B4GALT4: variants seen among roughly 807,000 people sequenced by gnomAD.
B4GALT4 encodes the protein N-acetyllactosamine synthase.
Under a neutral mutation model 37.3 loss-of-function variants are expected in B4GALT4, and 27 were observed. The observed-to-expected ratio is 0.72, with a 90% CI of 0.53 to 1.00. The LOEUF (loss-of-function observed/expected upper bound fraction) is 1.00. Among genes scored for constraint, B4GALT4 ranks in the 50% least tolerant of loss-of-function variants. B4GALT4 has a pLI of 0.00. For missense variants in B4GALT4, 372 were observed against 413.1 expected (o/e 0.90, Z 0.86); for synonymous variants, 148 against 154.1 (o/e 0.96, Z 0.29).
intron 5 of B4GALT4, among the ~76,000 whole-genome samples, chr3:119,221,344 C>G (rs147804572): frequency 2.0e-4 from 30 of 152,328 alleles, no homozygotes; most frequent in Admixed American, 1.5e-3. Flanking sequence ...ACTTTAACTT[C>G]TTCCCTCTGC....
At chr3:119,222,893 C>T (rs1319554020) in intron 5 of B4GALT4, among the ~76,000 whole-genome samples, 1 of 152,114 alleles carries the variant, frequency 6.6e-6, no homozygotes, top group East Asian at 1.9e-4. Context: ...TTACACACAG[C>T]CGGGGTTTAA....
Position 119,212,343 on chromosome 3 carries a change from T to C in B4GALT4, c.*206A>G, listed in dbSNP as rs757883695. On this transcript the variant is annotated 3_prime_UTR_variant, in exon 8 of 8. Coordinates refer to ENST00000393765, the MANE Select transcript of B4GALT4 (RefSeq NM_003778.4). ...ATATTACAATATTTAACCCTCATGA[T>C]CAAAATGACTAAGAAAGCTGTCTTG... 9 of 644,652 alleles carry C rather than the reference T, an allele frequency of 1.4e-5. No homozygotes were observed. Among genetic ancestry groups the C allele is most frequent in the Non-Finnish European group, 5.5e-6 (2 of 362,784 alleles). 39.9% of individuals were successfully genotyped at this position (644,652 alleles called of 1,614,324 possible). A position where few individuals can be genotyped will look rare whatever the true frequency, so the allele number is the denominator to read the frequency against.
At chr3:119,216,483 C>T (rs1329343167) in intron 6 of B4GALT4, 139 bp from the exon 7 acceptor site, 1 of 485,074 alleles carries the variant, frequency 2.1e-6, no homozygotes, top group African/African-American at 2.0e-5. Flanking sequence ...GTGTCACAAA[C>T]AGCTTGATTA....
Position 119,212,104 on chromosome 3 carries a change from G to A in B4GALT4, c.*445C>T, listed in dbSNP as rs2078176583. On this transcript the variant is annotated 3_prime_UTR_variant, in exon 8 of 8. Transcript: ENST00000393765. Reference sequence around the variant, plus strand: ...CACCACTTCACAGATGATTGTACAGGATAAATGAATAACAGTATTGTATCT... The same window carrying A: ...CACCACTTCACAGATGATTGTACAGAATAAATGAATAACAGTATTGTATCT... 13 of 702,626 alleles carry A rather than the reference G, an allele frequency of 1.9e-5. 1 individual carries two copies. Among genetic ancestry groups the A allele is most frequent in the Non-Finnish European group, 3.1e-5 (12 of 384,916 alleles). The allele number at this position is 702,626 out of a possible 1,614,324, so 43.5% of individuals were successfully genotyped here.
At chr3:119,234,271 C>A (rs2078917601) in intron 2 of B4GALT4, among the ~76,000 whole-genome samples, 1 of 152,206 alleles carries the variant, frequency 6.6e-6, no homozygotes, top group African/African-American at 2.4e-5. Flanking sequence ...GCATGCCCCA[C>A]CATACCCAGC....
chr3:119,240,789 G>T (rs1341515355), intron 1 of B4GALT4, 61 bp downstream of exon 1: 1 of 152,302 alleles, frequency 6.6e-6, no homozygotes, highest in African/African-American at 2.4e-5. Context: ...GGCTACCCTC[G>T]CACGGCGCCC....
At chr3:119,222,830 G>C (rs1243171212) in intron 5 of B4GALT4, among the ~76,000 whole-genome samples, 2 of 152,206 alleles carry the variant, frequency 1.3e-5, no homozygotes, top group Admixed American at 1.3e-4. Context: ...GTTTCTTAAA[G>C]ACACTGTGCT....
intron 1 of B4GALT4, among the ~76,000 whole-genome samples, chr3:119,237,916 A>G (rs2079030903): frequency 6.6e-6 from 1 of 152,234 alleles, no homozygotes; most frequent in South Asian, 2.1e-4. Flanking sequence ...AATGTTTACA[A>G]TAACTACACA....
At chr3:119,223,653 A>C (rs1394610533) in intron 5 of B4GALT4, among the ~76,000 whole-genome samples, 3 of 151,980 alleles carry the variant, frequency 2.0e-5, no homozygotes, top group South Asian at 2.1e-4. Flanking sequence ...ACAGTCTGGA[A>C]AGTGATGTCT....
In B4GALT4 at chr3:119,238,367, C is replaced by T. The variant is rs191076014; in HGVS notation, c.-363-1297G>A. Among the ~76,000 whole-genome samples the T allele has an allele frequency of 3.0e-3, 448 of 151,586 alleles. 3 individuals carry two copies. The highest frequency in any genetic ancestry group is 0.01 in the African/African-American group (427 of 41,354). ...CAAAATGATAGTCACTGGTGGTCAT[C>T]TCTTAATTACAGTATTAGGAGAAAA... On this transcript the variant is annotated intron_variant, in intron 1 of 7. Transcript: ENST00000393765.
chr3:119,222,157 G>A (rs1374476916), intron 5 of B4GALT4, among the ~76,000 whole-genome samples: 1 of 152,166 alleles, frequency 6.6e-6, no homozygotes, highest in Non-Finnish European at 1.5e-5. Flanking sequence ...CTGGGCAATG[G>A]GAAGTTTAAG....
At chr3:119,231,668 GTTTAT>G (rs2078821252) in intron 2 of B4GALT4, among the ~76,000 whole-genome samples, 1 of 147,914 alleles carries the variant, frequency 6.8e-6, no homozygotes. Flanking sequence ...CGCTGGGGTG[GTTTAT>G]TTTTTCTCTT....
Position 119,224,084 on chromosome 3 carries a change from C to T in B4GALT4, c.648G>A (p.Val216=). ...TGTACCCAGTGCTGTTCCTGCCAAC[C>T]ACCAGATGCTTGGGATGCTCCTCAC... ...YKCEEHPKHL[V]VGRNSTGYRL... is the part of the protein sequence containing the mutation. Residue 216 remains valine, a synonymous_variant, in exon 5 of 8, where the codon GTG becomes GTA. Transcript: ENST00000393765. 6.2e-7 allele frequency: 1 copy of T among 1,613,644 alleles called. No homozygotes were observed. The highest frequency in any genetic ancestry group is 1.1e-5 in the South Asian group (1 of 90,952).
rs1034047458 is a variant in B4GALT4 at position 119,211,770 on chromosome 3, T to C, written c.*779A>G. ...TTTTCACATTTTACTACAGAGGTAT[T>C]TGATAGACATATTTATTATTAGTTA... On this transcript the variant is annotated 3_prime_UTR_variant, in exon 8 of 8. Transcript: ENST00000393765. 1 of 185,572 alleles carries C rather than the reference T, an allele frequency of 5.4e-6. No individual in the cohort carries two copies. Among genetic ancestry groups the C allele is most frequent in the Admixed American group, 5.5e-5 (1 of 18,158 alleles). 11.5% of individuals were successfully genotyped at this position (185,572 alleles called of 1,614,324 possible).
chr3:119,216,101 T>C, intron 7 of B4GALT4, 139 bp downstream of exon 7: 1 of 561,974 alleles, frequency 1.8e-6, no homozygotes. Flanking sequence ...TTCTCTCCTT[T>C]TGTGTCTGTT....
At chr3:119,225,784 C>T (rs2078598044) in intron 4 of B4GALT4, among the ~76,000 whole-genome samples, 1 of 152,132 alleles carries the variant, frequency 6.6e-6, no homozygotes, top group African/African-American at 2.4e-5. Context: ...TGAGCAAGAA[C>T]TCAGAATCAA....
chr3:119,226,235 T>C (rs2107505496), intron 4 of B4GALT4, among the ~76,000 whole-genome samples: 2 of 152,344 alleles, frequency 1.3e-5, no homozygotes, highest in Middle Eastern at 6.8e-3. Context: ...AAGCAGCCGA[T>C]AGTTATGCTG....
At position 119,226,903 on chromosome 3, in the gene B4GALT4, C is replaced by T. The variant is rs755007969; in HGVS notation, c.392G>A (p.Arg131Gln). ...LQRVAILVPHRNREKHLMYLL... is the reference protein window; with the variant it reads ...LQRVAILVPHQNREKHLMYLL... ...GTACATCAGGTGTTTCTCTCTGTTC[C>T]GGTGGGGAACGAGGATGGCGACCCT... Residue 131 changes from arginine (R) to glutamine (Q), a missense_variant, in exon 4 of 8, where the codon CGG (arginine) becomes CAG (glutamine). By Grantham distance (43) the Arg-to-Gln change is conservative (BLOSUM62 1). Coordinates refer to ENST00000393765, the MANE Select transcript of B4GALT4 (RefSeq NM_003778.4). 6.8e-6 allele frequency: 11 copies of T among 1,613,976 alleles called. No individual in the cohort carries two copies. Among genetic ancestry groups the T allele is most frequent in the East Asian group, 4.5e-5 (2 of 44,884 alleles).
At chr3:119,226,731 T>C (rs3752377) in intron 4 of B4GALT4, 78 bp downstream of exon 4, 162,470 of 1,258,204 alleles carry the variant, frequency 0.13, 11,281 homozygotes, top group East Asian at 0.24. Context: ...TTACCCAACA[T>C]AGACAAACAG....
Sources: gnomAD v4.1 joint callset for allele counts (sites outside exome capture counted in the v4.1 genomes callset) on GRCh38, gnomAD v4.1.1 for gene constraint, MANE v1.5 for transcripts, NCBI Gene and HGNC (gene_info 2026-07-23, HGNC 2026-07-21) for gene names.